Variants in CC2D1B observed in about 807,000 individuals in gnomAD.
CC2D1B encodes coiled-coil and C2 domain-containing protein 1B.
A neutral mutation model predicts 110.8 loss-of-function variants in CC2D1B; 92 were observed. The ratio of observed to expected loss-of-function variants is 0.83; its 90% CI spans 0.70 to 0.99. The LOEUF (loss-of-function observed/expected upper bound fraction) is 0.99, where lower values mean the gene tolerates loss of function less well. Ranked by LOEUF, CC2D1B falls within the 50% of genes least tolerant of loss-of-function variation. The pLI, the probability that CC2D1B is intolerant of heterozygous loss-of-function variation, is 0.00. For synonymous variants in CC2D1B, 406 were observed against 429.2 expected, an observed-to-expected ratio of 0.95 and a Z score of 0.67; for missense variants, 1,136 against 1,089.0, an observed-to-expected ratio of 1.04 and a Z score of -0.61.
chr1:52,362,577 A>G, intron 3 of CC2D1B, 25 bp downstream of exon 3: 1 of 1,613,936 alleles, frequency 6.2e-7, no homozygotes, highest in Non-Finnish European at 8.5e-7. Flanking sequence ...CCCAGCACCA[A>G]GACCAGCCCT....
Position 52,359,987 on chromosome 1 carries a change from G to A in CC2D1B, c.763+87C>T, listed in dbSNP as rs942213837. On this transcript the variant is annotated intron_variant, in intron 7 of 24. Transcript: ENST00000284376. ...ATGTCCTGGGGAGGATGTGACCAAT[G>A]GTAATGAACAGTGGTGGCAGGCTGG... 3.9e-6 allele frequency: 6 copies of A among 1,546,862 alleles called. No individual in the cohort carries two copies. In the Admixed American group the frequency reaches 9.4e-5, roughly 24 times the overall value.
At chr1:52,357,968 G>A in intron 13 of CC2D1B, 70 bp from the exon 14 acceptor site, 1 of 1,514,172 alleles carries the variant, frequency 6.6e-7, no homozygotes, top group South Asian at 1.3e-5. Flanking sequence ...TCCCAGACTT[G>A]GGCTGTCTTC....
intron 1 of CC2D1B, among the ~76,000 whole-genome samples, chr1:52,365,808 G>A (rs1219026058): frequency 1.3e-5 from 2 of 152,194 alleles, no homozygotes; most frequent in African/African-American, 4.8e-5. Flanking sequence ...AGGAGCTGGC[G>A]GGCGCTCCGG....
chr1:52,357,611 T>G lies in CC2D1B; in HGVS notation c.1667A>C (p.Gln556Pro). The G allele has an allele frequency of 1.9e-6, 3 of 1,590,882 alleles. No individual in the cohort carries two copies. Among genetic ancestry groups the G allele is most frequent in the Non-Finnish European group, 2.6e-6 (3 of 1,167,818 alleles). The change falls in exon 15 of 25, where the codon CAG (glutamine) becomes CCG (proline). Residue 556 changes from glutamine (Q) to proline (P), a missense_variant. Physicochemically the swap from Gln to Pro is moderately conservative, Grantham distance 76. Transcript: ENST00000284376. ...GGCTACCCGCAGATAGGCTTTGGCC[T>G]GCTCCAGGTCCTGGCTGCGCTTGGC... ...LQAKRSQDLEQAKAYLRVAKW... is the reference protein window; with the variant it reads ...LQAKRSQDLEPAKAYLRVAKW...
intron 13 of CC2D1B, 136 bp downstream of exon 13, chr1:52,358,195 G>T: frequency 1.6e-6 from 2 of 1,278,296 alleles, no homozygotes; most frequent in Non-Finnish European, 2.1e-6. Flanking sequence ...GGGTGTCCTT[G>T]GGCAAGTTTT....
At position 52,353,277 on chromosome 1, in the gene CC2D1B, A is replaced by G. The variant is rs972175310; in HGVS notation, c.*2-54T>C. On this transcript the variant is annotated intron_variant, in intron 24 of 24. Coordinates refer to ENST00000284376, the MANE Select transcript of CC2D1B (RefSeq NM_001330585.2). ...CAGTCTAAACTGCAGTGAAAACACA[A>G]AGATTTTAGAAAGGGTTTCCTGAAG... The G allele has an allele frequency of 1.7e-5, 24 of 1,444,614 alleles. No homozygotes were observed. The Admixed American group carries it at 3.1e-4, about 19-fold the overall frequency. 89.5% of individuals were successfully genotyped at this position (1,444,614 alleles called of 1,614,324 possible).
intron 5 of CC2D1B, 122 bp downstream of exon 5, chr1:52,360,852 G>A: frequency 2.4e-6 from 3 of 1,245,394 alleles, no homozygotes; most frequent in Non-Finnish European, 3.4e-6. Context: ...GCTTGGGGCG[G>A]CTGCTGGGGG....
At chr1:52,359,400 AG>A (rs1646729036) in intron 9 of CC2D1B, 43 bp from the exon 10 acceptor site, 1 of 1,609,944 alleles carries the variant, frequency 6.2e-7, no homozygotes, top group Non-Finnish European at 8.5e-7. Context: ...GGGCCTGGCC[AG>A]CCCCAGGCCT....
At chr1:52,356,740 A>C (rs1646661278) in intron 16 of CC2D1B, 1 of 598,818 alleles carries the variant, frequency 1.7e-6, no homozygotes, top group African/African-American at 1.9e-5. Context: ...CAGATAGATA[A>C]ATACATAAAC....
chr1:52,364,522 C>T (rs1646844852), intron 2 of CC2D1B, 30 bp downstream of exon 2: 1 of 1,534,084 alleles, frequency 6.5e-7, no homozygotes. Context: ...CCCAAACCGA[C>T]CCAGTAGCCT....
In CC2D1B at chr1:52,355,792, T is replaced by C. The variant is rs774337211; in HGVS notation, c.2107A>G (p.Met703Val). The change falls in exon 19 of 25, where the codon ATG becomes GTG. Residue 703 changes from methionine (M) to valine (V), a missense_variant. By Grantham distance (21) the Met-to-Val change is conservative (BLOSUM62 1). Transcript: ENST00000284376. ...TTACCTGGAGGGGCTGGGAGGTTCA[T>C]TCCCCGGACAATGATCAGATGCATT... ...TEMHLIIVRG[M>V]NLPAPPGVTP... 6.2e-7 allele frequency: 1 copy of C among 1,614,108 alleles called. No homozygotes were observed. Among genetic ancestry groups the C allele is most frequent in the South Asian group, 1.1e-5 (1 of 91,076 alleles).
Position 52,351,557 on chromosome 1 carries a change from C to G in CC2D1B, c.*1668G>C, listed in dbSNP as rs1354007999. 3 of 152,120 alleles carry G rather than the reference C, an allele frequency of 2.0e-5. No homozygotes were observed. Among genetic ancestry groups the G allele is most frequent in the Non-Finnish European group, 4.4e-5 (3 of 68,028 alleles). The allele number at this position is 152,120 out of a possible 1,614,324, so 9.4% of individuals were successfully genotyped here. On this transcript the variant is annotated 3_prime_UTR_variant, in exon 25 of 25. Transcript: ENST00000284376. ...ACGTGACTGCAATTAAGTGTTAAAT[C>G]TCACATCTGTGGAAGTTTTGGTAGC...
intron 2 of CC2D1B, among the ~76,000 whole-genome samples, chr1:52,363,680 C>CT (rs772479076): frequency 0.01 from 1,411 of 140,800 alleles, 13 homozygotes; most frequent in African/African-American, 0.027. Context: ...GAGGTACATC[C>CT]TTTTTTTTTT....
At chr1:52,358,604 G>A in intron 12 of CC2D1B, 82 bp downstream of exon 12, 1 of 1,562,218 alleles carries the variant, frequency 6.4e-7, no homozygotes, top group East Asian at 2.2e-5. Context: ...CGCATGAGAA[G>A]TGGGAATCAC....
Position 52,359,045 on chromosome 1 carries a change from C to T in CC2D1B, c.1239G>A (p.Met413Ile), listed in dbSNP as rs1424920936. ...RSGGDERKAR[M>I]HERIAKQYQD... is the part of the protein sequence containing the mutation. ...GGCCCACCTTGGCAATGCGCTCATG[C>T]ATCCGAGCCTTGCGCTCGTCCCCAC... The change falls in exon 11 of 25, where the codon ATG becomes ATA. Residue 413 changes from methionine to isoleucine, a missense_variant. Met to Ile is a conservative substitution (Grantham distance 10, BLOSUM62 1). Coordinates refer to ENST00000284376, the MANE Select transcript of CC2D1B (RefSeq NM_001330585.2). 1.2e-6 allele frequency: 2 copies of T among 1,607,066 alleles called. No homozygotes were observed. The highest frequency in any genetic ancestry group is 1.7e-6 in the Non-Finnish European group (2 of 1,179,992).
In CC2D1B at chr1:52,363,774, G is replaced by A. The variant is rs112782231; in HGVS notation, c.69+778C>T. On this transcript the variant is annotated intron_variant, in intron 2 of 24. Coordinates refer to ENST00000284376, the MANE Select transcript of CC2D1B (RefSeq NM_001330585.2). ...TGGCTCACTGCAACCTCTGCCTCCC[G>A]GGTCTAAGCGATTCTCCTGCCTCAG... Among the ~76,000 whole-genome samples the A allele has an allele frequency of 3.1e-3, 466 of 151,404 alleles. 1 individual carries two copies. Among genetic ancestry groups the A allele is most frequent in the Middle Eastern group, 0.01 (3 of 292 alleles).
rs113391480 is a variant in CC2D1B, at chr1:52,362,827, A to G, written c.70-81T>C. On this transcript the variant is annotated intron_variant, in intron 2 of 24. Coordinates refer to ENST00000284376, the MANE Select transcript of CC2D1B (RefSeq NM_001330585.2). ...TCCAGAGCCAGACTTGGGGCTCTCC[A>G]AGTCCCAATCAGTGGCTCCTTCAGT... 4.1e-6 allele frequency: 6 copies of G among 1,454,404 alleles called. No homozygotes were observed. In the African/African-American group the frequency reaches 4.2e-5, roughly 10 times the overall value. 90.1% of individuals were successfully genotyped at this position (1,454,404 alleles called of 1,614,324 possible). A position where few individuals can be genotyped will look rare whatever the true frequency, so the allele number is the denominator to read the frequency against.
At chr1:52,360,383 A>G (rs1183938972) in intron 6 of CC2D1B, 41 bp downstream of exon 6, 1 of 1,604,938 alleles carries the variant, frequency 6.2e-7, no homozygotes, top group East Asian at 2.2e-5. Flanking sequence ...CCTTTCATGC[A>G]GCCCCCTCCC....
chr1:52,361,124 C>T lies in CC2D1B; in HGVS notation c.327G>A (p.Leu109=). ...LEEDAELLTE[L]QEVLGVDEET... ...CCTCGTCCACACCTAAGACCTCCTG[C>T]AGCTCCGTCTAGGGAGACAAAACAC... Residue 109 remains leucine (L), a synonymous_variant, in exon 5 of 25, where the codon CTG becomes CTA. Transcript: ENST00000284376. The T allele has an allele frequency of 6.2e-7, 1 of 1,614,088 alleles. No individual in the cohort carries two copies. The highest frequency in any genetic ancestry group is 8.5e-7 in the Non-Finnish European group (1 of 1,179,992).
Sources: allele counts gnomAD v4.1 joint callset (sites outside exome capture counted in the v4.1 genomes callset), GRCh38; gene constraint gnomAD v4.1.1; transcripts MANE v1.5; gene names NCBI Gene and HGNC (gene_info 2026-07-23, HGNC 2026-07-21).